Variants in AS3MT observed in about 807,000 individuals in gnomAD.
AS3MT encodes the protein S-adenosyl-L-methionine:arsenic(III) methyltransferase.
Under a neutral mutation model 45.3 loss-of-function variants are expected in AS3MT, and 47 were observed. That is an observed-to-expected ratio of 1.04 (90% confidence interval 0.82 to 1.32). The LOEUF is 1.32. Ranked by LOEUF, AS3MT falls within the 40% of genes most tolerant of loss-of-function variation. The pLI is 0.00. For synonymous variants in AS3MT, 141 were observed against 152.8 expected, an observed-to-expected ratio of 0.92 and a Z score of 0.57; for missense variants, 396 against 451.1, an observed-to-expected ratio of 0.88 and a Z score of 1.11.
chr10:102,897,944 C>T (rs1474548905), intron 10 of AS3MT, among the ~76,000 whole-genome samples: 2 of 152,186 alleles, frequency 1.3e-5, no homozygotes, highest in Non-Finnish European at 2.9e-5. Flanking sequence ...TTTATCCCAA[C>T]ATAAGGTCTC....
In AS3MT at chr10:102,890,532, A is replaced by G; in HGVS notation, c.886-12A>G. 6.4e-7 allele frequency: 1 copy of G among 1,569,938 alleles called. No homozygotes were observed. Among genetic ancestry groups the G allele is most frequent in the Non-Finnish European group, 8.6e-7 (1 of 1,165,020 alleles). Reference sequence around the variant, plus strand: ...TGCAACTCTTAGTATTTTTTTTTATACTACCCTTTAGGAAGGTGAAATTGT... The same window carrying G: ...TGCAACTCTTAGTATTTTTTTTTATGCTACCCTTTAGGAAGGTGAAATTGT... On this transcript the variant is annotated splice_polypyrimidine_tract_variant and intron_variant, in intron 9 of 10. Transcript: ENST00000369880.
rs998067208 is a variant in AS3MT, at chr10:102,869,506, G to T, written c.-87G>T. The T allele has an allele frequency of 4.3e-6, 6 of 1,388,160 alleles. No homozygotes were observed. The highest frequency in any genetic ancestry group is 3.5e-5 in the East Asian group (1 of 28,706). The allele number at this position is 1,388,160 out of a possible 1,614,324, so 86.0% of individuals were successfully genotyped here. A position where few individuals can be genotyped will look rare whatever the true frequency, so the allele number is the denominator to read the frequency against. On this transcript the variant is annotated 5_prime_UTR_variant, in exon 1 of 11. Coordinates refer to ENST00000369880, the MANE Select transcript of AS3MT (RefSeq NM_020682.4). ...CTGCGGGAGCCCGCCGTCCTGAGTC[G>T]CAGGCCGAGGAGACAGTGAGTGCGC...
chr10:102,870,615 T>C (rs1844663551), intron 3 of AS3MT, among the ~76,000 whole-genome samples: 1 of 152,190 alleles, frequency 6.6e-6, no homozygotes, highest in South Asian at 2.1e-4. Flanking sequence ...TCCCTACCCA[T>C]GCTCACAGAA....
Position 102,878,901 on chromosome 10 carries a change from A to C in AS3MT, c.795A>C (p.Thr265=), listed in dbSNP as rs775241830. ...ATFRLFKHSK[T]GPTKRCQVIY... ...TTCGCCTCTTCAAACACTCTAAGAC[A>C]GGACCAACCAAGAGATGCCAAGTTA... The change falls in exon 9 of 11, where the codon ACA becomes ACC. Residue 265 remains threonine (T), a synonymous_variant. Transcript: ENST00000369880. 2.5e-6 allele frequency: 4 copies of C among 1,614,054 alleles called. No individual in the cohort carries two copies. Among genetic ancestry groups the C allele is most frequent in the Non-Finnish European group, 3.4e-6 (4 of 1,180,024 alleles).
rs556868245 is a variant in AS3MT, at chr10:102,872,495, G to T, written c.218G>T (p.Trp73Leu). 1.5e-5 allele frequency: 24 copies of T among 1,614,066 alleles called. 1 individual carries two copies. The African/African-American group carries it at 1.6e-4, about 11-fold the overall frequency. Residue 73 changes from tryptophan to leucine, a missense_variant, in exon 4 of 11, where the codon TGG becomes TTG. Transcript: ENST00000369880. ...LVIPEHLENCWILDLGSGSGR... is the reference protein window; with the variant it reads ...LVIPEHLENCLILDLGSGSGR... ...ATCCCTGAGCATCTAGAAAACTGCT[G>T]GATTTTGGATCTGGGTAGTGGAAGT...
At chr10:102,890,236 T>C (rs188597750) in intron 9 of AS3MT, among the ~76,000 whole-genome samples, 86 of 152,174 alleles carry the variant, frequency 5.7e-4, no homozygotes, top group African/African-American at 2.1e-3. Context: ...TCTCCTGACC[T>C]TGTGATCGGC....
chr10:102,871,183 G>T (rs1844673877), intron 3 of AS3MT, among the ~76,000 whole-genome samples: 1 of 152,084 alleles, frequency 6.6e-6, no homozygotes, highest in South Asian at 2.1e-4. Flanking sequence ...GGCGGAGGTC[G>T]CAGTGAGCGG....
chr10:102,896,483 G>A (rs1306438848), intron 10 of AS3MT, among the ~76,000 whole-genome samples: 1 of 151,662 alleles, frequency 6.6e-6, no homozygotes, highest in Non-Finnish European at 1.5e-5. Flanking sequence ...TCTAACCCAA[G>A]CTCAGTATAC....
chr10:102,890,894 G>A (rs963721968), intron 10 of AS3MT, among the ~76,000 whole-genome samples: 1 of 152,018 alleles, frequency 6.6e-6, no homozygotes, highest in Non-Finnish European at 1.5e-5. Flanking sequence ...GTGTTTTTTA[G>A]TAGAGATGGG....
At chr10:102,893,501 T>C in intron 10 of AS3MT, among the ~76,000 whole-genome samples, 1 of 149,656 alleles carries the variant, frequency 6.7e-6, no homozygotes. Flanking sequence ...TTTTCTTTTT[T>C]TTTTTTTTTT....
chr10:102,878,803 A>T, intron 8 of AS3MT, 46 bp from the exon 9 acceptor site: 1 of 1,594,012 alleles, frequency 6.3e-7, no homozygotes. Context: ...CAAGGCAACA[A>T]CTGGGGGAGT....
intron 3 of AS3MT, among the ~76,000 whole-genome samples, chr10:102,872,214 G>T (rs1844702996): frequency 1.3e-5 from 2 of 152,188 alleles, no homozygotes; most frequent in Non-Finnish European, 2.9e-5. Flanking sequence ...GGCTTATGAA[G>T]TCTTAGTGCC....
rs1173174628 is a variant in AS3MT at position 102,901,776 on chromosome 10, A to C, written c.*1076A>C. ...ATTAAACAAAGCTCCTACTGCCATC[A>C]TACTAATCATGCAAAAAGATTGCCA... On this transcript the variant is annotated 3_prime_UTR_variant, in exon 11 of 11. Coordinates refer to ENST00000369880, the MANE Select transcript of AS3MT (RefSeq NM_020682.4). 1 of 152,386 alleles carries C rather than the reference A, an allele frequency of 6.6e-6. No individual in the cohort carries two copies. Among genetic ancestry groups the C allele is most frequent in the Middle Eastern group, 3.4e-3 (1 of 294 alleles). The allele number at this position is 152,386 out of a possible 1,614,324, so 9.4% of individuals were successfully genotyped here.
intron 9 of AS3MT, among the ~76,000 whole-genome samples, chr10:102,885,123 A>G (rs1335572119): frequency 2.0e-5 from 3 of 152,110 alleles, no homozygotes; most frequent in East Asian, 3.9e-4. Context: ...CTCATTAATC[A>G]AGCTCTCTTC....
intron 9 of AS3MT, among the ~76,000 whole-genome samples, chr10:102,882,388 T>G (rs1378413972): frequency 1.3e-5 from 2 of 151,952 alleles, no homozygotes; most frequent in Admixed American, 6.6e-5. Context: ...GATTTCTTTT[T>G]TTTTTTTAAT....
At chr10:102,898,730 G>A (rs1845222450) in intron 10 of AS3MT, among the ~76,000 whole-genome samples, 1 of 152,170 alleles carries the variant, frequency 6.6e-6, no homozygotes, top group Non-Finnish European at 1.5e-5. Flanking sequence ...TTATTGAATA[G>A]TTAATATGTT....
chr10:102,885,152 G>C (rs1215953353), intron 9 of AS3MT, among the ~76,000 whole-genome samples: 1 of 151,908 alleles, frequency 6.6e-6, no homozygotes, highest in Non-Finnish European at 1.5e-5. Flanking sequence ...CACTCTACCT[G>C]GCGTCTGGTA....
intron 9 of AS3MT, 150 bp downstream of exon 9, chr10:102,879,141 G>A (rs1590221768): frequency 2.2e-6 from 2 of 890,432 alleles, no homozygotes; most frequent in East Asian, 5.4e-5. Context: ...TTCAAGTGGA[G>A]TAAAAAAGCA....
intron 10 of AS3MT, among the ~76,000 whole-genome samples, chr10:102,896,708 C>A (rs1213309482): frequency 6.6e-6 from 1 of 151,640 alleles, no homozygotes; most frequent in East Asian, 2.0e-4. Flanking sequence ...ACTCCAGAGG[C>A]TGAGGCAGAG....
Sources: gnomAD v4.1 joint callset for allele counts (sites outside exome capture counted in the v4.1 genomes callset) on GRCh38, gnomAD v4.1.1 for gene constraint, MANE v1.5 for transcripts, NCBI Gene and HGNC (gene_info 2026-07-23, HGNC 2026-07-21) for gene names.